Variants in OSBPL6 observed in about 807,000 individuals in gnomAD.
OSBPL6 encodes oxysterol-binding protein-related protein 6.
OSBPL6 carries 49 observed loss-of-function variants against 125.8 expected under a neutral mutation model. That is an observed-to-expected ratio of 0.39 (90% CI 0.31 to 0.49). OSBPL6 has a LOEUF of 0.49. Among genes scored for constraint, OSBPL6 ranks in the 20% least tolerant of loss-of-function variants. OSBPL6 has a pLI of 0.88. For synonymous variants in OSBPL6, 394 were observed against 391.8 expected, an observed-to-expected ratio of 1.01 and a Z score of -0.07; for missense variants, 986 against 1,135.4, an observed-to-expected ratio of 0.87 and a Z score of 1.89.
chr2:178,295,899 T>C (rs1172856922), intron 2 of OSBPL6, among the ~76,000 whole-genome samples: 1 of 152,212 alleles, frequency 6.6e-6, no homozygotes, highest in Admixed American at 6.5e-5. Flanking sequence ...TTTAGGAATA[T>C]ATACAGGTTA....
At chr2:178,299,776 C>G (rs1686116651) in intron 2 of OSBPL6, among the ~76,000 whole-genome samples, 1 of 152,178 alleles carries the variant, frequency 6.6e-6, no homozygotes, top group Non-Finnish European at 1.5e-5. Flanking sequence ...TAGAGCTAAA[C>G]AAAGTAAAAG....
intron 1 of OSBPL6, among the ~76,000 whole-genome samples, chr2:178,206,992 G>A (rs1005396344): frequency 5.3e-5 from 8 of 151,840 alleles, no homozygotes; most frequent in African/African-American, 1.9e-4. Flanking sequence ...TGGTCTCAAA[G>A]TCCTGGACTC....
chr2:178,320,140 G>C, intron 3 of OSBPL6: 1 of 925,506 alleles, frequency 1.1e-6, no homozygotes, highest in Non-Finnish European at 1.5e-6. Flanking sequence ...TTCTCTCCGC[G>C]TGAGTTGCAC....
chr2:178,392,964 C>G (rs568567654), intron 23 of OSBPL6, among the ~76,000 whole-genome samples: 19 of 151,986 alleles, frequency 1.3e-4, no homozygotes, highest in African/African-American at 4.1e-4. Flanking sequence ...TCTCCATTCC[C>G]TTATTCACTC....
At chr2:178,284,209 T>G (rs1419288224) in intron 1 of OSBPL6, among the ~76,000 whole-genome samples, 1 of 152,142 alleles carries the variant, frequency 6.6e-6, no homozygotes, top group African/African-American at 2.4e-5. Context: ...CATTAGAGAT[T>G]GTACATCTAT....
intron 11 of OSBPL6, among the ~76,000 whole-genome samples, chr2:178,340,836 G>T (rs866980105): frequency 2.6e-5 from 4 of 151,982 alleles, no homozygotes; most frequent in South Asian, 2.1e-4. Flanking sequence ...TAACAAACTT[G>T]CTTTGCTTGC....
At chr2:178,368,366 C>G (rs1290594434) in intron 13 of OSBPL6, among the ~76,000 whole-genome samples, 1 of 152,098 alleles carries the variant, frequency 6.6e-6, no homozygotes, top group Non-Finnish European at 1.5e-5. Flanking sequence ...GTCTTGATTT[C>G]CATGCTTCCT....
intron 1 of OSBPL6, among the ~76,000 whole-genome samples, chr2:178,233,504 T>G (rs2090922802): frequency 6.6e-6 from 1 of 152,204 alleles, no homozygotes; most frequent in Non-Finnish European, 1.5e-5. Flanking sequence ...CCAGAATTAC[T>G]GGGGATATTA....
intron 2 of OSBPL6, among the ~76,000 whole-genome samples, chr2:178,300,396 C>G (rs1369611600): frequency 6.6e-6 from 1 of 152,236 alleles, no homozygotes; most frequent in Non-Finnish European, 1.5e-5. Flanking sequence ...TAACTTATTG[C>G]TGTCAGATGT....
chr2:178,273,828 C>A (rs911193626), intron 1 of OSBPL6, among the ~76,000 whole-genome samples: 1 of 152,168 alleles, frequency 6.6e-6, no homozygotes, highest in Non-Finnish European at 1.5e-5. Flanking sequence ...ACAGCATACA[C>A]TTATTTTGAT....
intron 3 of OSBPL6, among the ~76,000 whole-genome samples, chr2:178,323,143 TCCG>T (rs1281604949): frequency 2.6e-5 from 4 of 152,170 alleles, no homozygotes; most frequent in African/African-American, 9.7e-5. Flanking sequence ...ATTGCAAAAT[TCCG>T]CTTTAGAAAG....
chr2:178,383,948 A>G (rs1357394067), intron 17 of OSBPL6, 91 bp from the exon 18 acceptor site: 4 of 1,408,388 alleles, frequency 2.8e-6, no homozygotes, highest in Middle Eastern at 2.1e-4. Context: ...ACCCATCCAC[A>G]TGAGGTGTGT....
intron 1 of OSBPL6, among the ~76,000 whole-genome samples, chr2:178,198,847 TATAGAA>T (rs1446115881): frequency 6.6e-6 from 1 of 152,174 alleles, no homozygotes; most frequent in African/African-American, 2.4e-5. Flanking sequence ...GAGTTGTTGT[TATAGAA>T]ATAGTACCCC....
At chr2:178,377,890 G>A (rs1694033021) in intron 15 of OSBPL6, among the ~76,000 whole-genome samples, 2 of 152,164 alleles carry the variant, frequency 1.3e-5, no homozygotes, top group African/African-American at 4.8e-5. Flanking sequence ...GTGCAGTGGT[G>A]CAATCTTGCC....
chr2:178,196,512 A>C (rs1325871659), intron 1 of OSBPL6, among the ~76,000 whole-genome samples: 1 of 152,078 alleles, frequency 6.6e-6, no homozygotes, highest in African/African-American at 2.4e-5. Flanking sequence ...CTTTAGTATG[A>C]GGTAGTTCTG....
At chr2:178,373,000 G>T (rs1693541315) in intron 14 of OSBPL6, among the ~76,000 whole-genome samples, 2 of 152,168 alleles carry the variant, frequency 1.3e-5, no homozygotes, top group South Asian at 4.1e-4. Flanking sequence ...ATATACAGTG[G>T]TGATATATGT....
chr2:178,359,756 A>G (rs1232634333), intron 12 of OSBPL6, among the ~76,000 whole-genome samples: 1 of 152,232 alleles, frequency 6.6e-6, no homozygotes, highest in Non-Finnish European at 1.5e-5. Flanking sequence ...CAATTGCCAT[A>G]GCATGGATGG....
At chr2:178,269,937 T>C (rs182091397) in intron 1 of OSBPL6, among the ~76,000 whole-genome samples, 107 of 152,336 alleles carry the variant, frequency 7.0e-4, no homozygotes, top group African/African-American at 2.5e-3. Flanking sequence ...CCCAACTTAA[T>C]TGAGAGTCTG....
At chr2:178,231,101 CTT>C (rs1451302883) in intron 1 of OSBPL6, among the ~76,000 whole-genome samples, 10 of 152,050 alleles carry the variant, frequency 6.6e-5, no homozygotes, top group African/African-American at 2.4e-4. Context: ...AGCTCTCTCT[CTT>C]GTGAGAGAAG....
Sources: allele counts gnomAD v4.1 joint callset (sites outside exome capture counted in the v4.1 genomes callset), GRCh38; gene constraint gnomAD v4.1.1; transcripts MANE v1.5; gene names NCBI Gene and HGNC (gene_info 2026-07-23, HGNC 2026-07-21).